The following INHBC variants were observed in gnomAD, a reference collection of about 807,000 sequenced individuals.
The protein encoded by INHBC is inhibin subunit beta C.
INHBC carries 10 observed loss-of-function variants against 12.4 expected under a neutral mutation model. That is an observed-to-expected ratio of 0.81 (90% CI 0.50 to 1.37). The LOEUF (loss-of-function observed/expected upper bound fraction) is 1.37, where lower values mean the gene tolerates loss of function less well. Among genes scored for constraint, INHBC ranks in the 40% most tolerant of loss-of-function variants. The pLI is 0.00. For synonymous variants in INHBC, 147 were observed against 171.6 expected (o/e 0.86, Z 1.12); for missense variants, 382 against 439.4 (o/e 0.87, Z 1.17).
At position 57,434,993 on chromosome 12, in the gene INHBC, T is replaced by G; in HGVS notation, c.107T>G (p.Leu36Arg). Reference sequence around the variant, plus strand: ...GCATGTGGGGGGCCCACCTTGGAACTGGAGAGCCAGCGGGAGCTGCTTCTT... The same window carrying G: ...GCATGTGGGGGGCCCACCTTGGAACGGGAGAGCCAGCGGGAGCTGCTTCTT... ...CPACGGPTLELESQRELLLDL... is the reference protein window; with the variant it reads ...CPACGGPTLERESQRELLLDL... Residue 36 changes from leucine (L) to arginine (R), a missense_variant, in exon 1 of 2, where the codon CTG becomes CGG. Coordinates refer to ENST00000309668, the MANE Select transcript of INHBC (RefSeq NM_005538.4). The G allele has an allele frequency of 6.2e-7, 1 of 1,614,194 alleles. No individual in the cohort carries two copies.
Position 57,449,970 on chromosome 12 carries a change from T to TC in INHBC, c.1007_1008insC (p.Val337CysfsTer4). ...CTCTATTATGACAGGGACAGCAACA[T>TC]TGTCAAGACTGACATACCTGACATG... On this transcript the variant is annotated frameshift_variant, in exon 2 of 2. Transcript: ENST00000309668. LOFTEE classifies it high-confidence loss of function. 1 of 1,543,860 alleles carries TC rather than the reference T, an allele frequency of 6.5e-7. No homozygotes were observed. Among genetic ancestry groups the TC allele is most frequent in the Admixed American group, 2.0e-5 (1 of 51,084 alleles).
At chr12:57,447,061 G>A (rs1047691430) in intron 1 of INHBC, among the ~76,000 whole-genome samples, 2 of 152,202 alleles carry the variant, frequency 1.3e-5, no homozygotes, top group Non-Finnish European at 2.9e-5. Flanking sequence ...TGTTCAGTAA[G>A]GAAGGTGAGG....
intron 1 of INHBC, among the ~76,000 whole-genome samples, chr12:57,443,377 C>A (rs1411214766): frequency 6.6e-6 from 1 of 151,642 alleles, no homozygotes; most frequent in African/African-American, 2.4e-5. Flanking sequence ...CTCCGACTCC[C>A]AGGTTCAAGC....
chr12:57,439,392 C>T (rs750928382), intron 1 of INHBC, among the ~76,000 whole-genome samples: 9 of 152,198 alleles, frequency 5.9e-5, no homozygotes, highest in Non-Finnish European at 1.0e-4. Flanking sequence ...TTTCCCATTG[C>T]TCACCACTGC....
In INHBC at chr12:57,435,054, C is replaced by T. The variant is rs148907665; in HGVS notation, c.168C>T (p.His56=). The T allele has an allele frequency of 3.7e-6, 6 of 1,614,068 alleles. No homozygotes were observed. Among genetic ancestry groups the T allele is most frequent in the Middle Eastern group, 3.3e-4 (2 of 6,084 alleles). The change falls in exon 1 of 2, where the codon CAC becomes CAT. Residue 56 remains histidine, a synonymous_variant. Transcript: ENST00000309668. Reference sequence around the variant, plus strand: ...AGAGAAGCATCTTGGACAAGCTGCACCTCACCCAGCGCCCAACACTGAACC... The same window carrying T: ...AGAGAAGCATCTTGGACAAGCTGCATCTCACCCAGCGCCCAACACTGAACC... ...LAKRSILDKL[H]LTQRPTLNRP...
At position 57,434,850 on chromosome 12, in the gene INHBC, C is replaced by T. The variant is rs765704029; in HGVS notation, c.-37C>T. The T allele has an allele frequency of 6.4e-7, 1 of 1,566,002 alleles. No homozygotes were observed. Among genetic ancestry groups the T allele is most frequent in the Non-Finnish European group, 8.7e-7 (1 of 1,150,824 alleles). ...ACCACAGCTGTTGAGACCCTGAGCCCTGAGTCTGTATTGCTCAAGAAGGGC... is the reference window on the plus strand; with the variant it reads ...ACCACAGCTGTTGAGACCCTGAGCCTTGAGTCTGTATTGCTCAAGAAGGGC... On this transcript the variant is annotated 5_prime_UTR_variant, in exon 1 of 2. Coordinates refer to ENST00000309668, the MANE Select transcript of INHBC (RefSeq NM_005538.4).
chr12:57,443,682 A>G lies in INHBC; in HGVS notation c.314-5595A>G, dbSNP rs371834013. 2.3e-4 allele frequency among the ~76,000 whole-genome samples: 35 copies of G among 152,378 alleles called. 3 individuals are homozygous for G. The East Asian group carries it at 2.3e-3, about 10-fold the overall frequency. Reference sequence around the variant, plus strand: ...AAGAGTTAGGACTTTATTAACTAATAAGGTTTTTGAGACCATGAATTTTAT... The same window carrying G: ...AAGAGTTAGGACTTTATTAACTAATGAGGTTTTTGAGACCATGAATTTTAT... On this transcript the variant is annotated intron_variant, in intron 1 of 1. Coordinates refer to ENST00000309668, the MANE Select transcript of INHBC (RefSeq NM_005538.4).
rs957285281 is a variant in INHBC, at chr12:57,451,497, G to A, written c.*1475G>A. ...CTGGGTCCTTTTTAGACCTTTGCCCGTCCTCCCCCACATCTCCTCCCTTTG... is the reference window on the plus strand; with the variant it reads ...CTGGGTCCTTTTTAGACCTTTGCCCATCCTCCCCCACATCTCCTCCCTTTG... On this transcript the variant is annotated 3_prime_UTR_variant, in exon 2 of 2. Coordinates refer to ENST00000309668, the MANE Select transcript of INHBC (RefSeq NM_005538.4). Among the ~76,000 whole-genome samples the A allele has an allele frequency of 7.2e-5, 11 of 152,260 alleles. No homozygotes were observed. Among genetic ancestry groups the A allele is most frequent in the East Asian group, 1.9e-4 (1 of 5,186 alleles).
rs113495925 is a variant in INHBC at position 57,449,459 on chromosome 12, A to C, written c.496A>C (p.Thr166Pro). Residue 166 changes from threonine (T) to proline (P), a missense_variant, in exon 2 of 2, where the codon ACT becomes CCT. Coordinates refer to ENST00000309668, the MANE Select transcript of INHBC (RefSeq NM_005538.4). ...ACATAATACCAACCTCACCTTGGCT[A>C]CTCAGTACCTGCTGGAGGTGGATGC... ...GPHNTNLTLA[T>P]QYLLEVDASG... The C allele has an allele frequency of 2.6e-4, 415 of 1,614,064 alleles. 1 individual carries two copies. In the African/African-American group the frequency reaches 5.0e-3, roughly 19 times the overall value.
intron 1 of INHBC, among the ~76,000 whole-genome samples, chr12:57,447,384 C>G (rs1870601206): frequency 1.3e-5 from 2 of 150,870 alleles, no homozygotes; most frequent in African/African-American, 4.9e-5. Flanking sequence ...GGGGTTTCAC[C>G]ATGTTGGCCA....
chr12:57,449,149 G>T, intron 1 of INHBC, 128 bp from the exon 2 acceptor site: 1 of 1,210,456 alleles, frequency 8.3e-7, no homozygotes, highest in Non-Finnish European at 1.2e-6. Context: ...CATGAACTTT[G>T]GAGGACATGT....
At position 57,451,860 on chromosome 12, in the gene INHBC, A is replaced by G. The variant is rs987492703; in HGVS notation, c.*1838A>G. The G allele has an allele frequency of 1.1e-5, 5 of 455,414 alleles. No individual in the cohort carries two copies. Among genetic ancestry groups the G allele is most frequent in the Admixed American group, 4.7e-5 (2 of 42,488 alleles). The allele number at this position is 455,414 out of a possible 1,614,324, so 28.2% of individuals were successfully genotyped here. On this transcript the variant is annotated 3_prime_UTR_variant, in exon 2 of 2. Coordinates refer to ENST00000309668, the MANE Select transcript of INHBC (RefSeq NM_005538.4). Reference sequence around the variant, plus strand: ...ACCCCCAGATCTAACCTCCTTCCCAATTACAGCTTAGTCTCCAGGGCTAGG... The same window carrying G: ...ACCCCCAGATCTAACCTCCTTCCCAGTTACAGCTTAGTCTCCAGGGCTAGG...
intron 1 of INHBC, among the ~76,000 whole-genome samples, chr12:57,435,585 CCCTT>C (rs1870317942): frequency 6.6e-6 from 1 of 152,104 alleles, no homozygotes; most frequent in Admixed American, 6.6e-5. Context: ...TCTAGCCCCT[CCCTT>C]CCCCTCTCCT....
intron 1 of INHBC, among the ~76,000 whole-genome samples, chr12:57,441,484 C>T (rs1286770257): frequency 1.4e-5 from 2 of 142,626 alleles, no homozygotes; most frequent in African/African-American, 5.3e-5. Context: ...AAGATCACGT[C>T]ATTGCACTTC....
At chr12:57,444,960 G>C (rs1435594872) in intron 1 of INHBC, among the ~76,000 whole-genome samples, 2 of 152,200 alleles carry the variant, frequency 1.3e-5, no homozygotes, top group Non-Finnish European at 2.9e-5. Context: ...GCGATTACAG[G>C]CATGTGCCAC....
In INHBC at chr12:57,450,603, T is replaced by C. The variant is rs1420378258; in HGVS notation, c.*581T>C. The C allele has an allele frequency of 6.6e-6, 1 of 152,290 alleles. No individual in the cohort carries two copies. Among genetic ancestry groups the C allele is most frequent in the Non-Finnish European group, 1.5e-5 (1 of 68,092 alleles). 9.4% of individuals were successfully genotyped at this position (152,290 alleles called of 1,614,324 possible). A position where few individuals can be genotyped will look rare whatever the true frequency, so the allele number is the denominator to read the frequency against. On this transcript the variant is annotated 3_prime_UTR_variant, in exon 2 of 2. Transcript: ENST00000309668. ...AGCTCTCTTTGCATACCTTCATCCA[T>C]TTTTTGTCCTTCTCTGCCTTTCTCT...
chr12:57,435,325 A>G, intron 1 of INHBC, 126 bp downstream of exon 1: 1 of 919,040 alleles, frequency 1.1e-6, no homozygotes, highest in Non-Finnish European at 1.6e-6. Flanking sequence ...CACAGGCTAT[A>G]ATCTCCTTAC....
At chr12:57,443,113 CTTTT>C (rs34935222) in intron 1 of INHBC, among the ~76,000 whole-genome samples, 1 of 72,398 alleles carries the variant, frequency 1.4e-5, no homozygotes, top group Non-Finnish European at 2.4e-5. Flanking sequence ...ATAAAGCACT[CTTTT>C]TTTTTTTTTT....
Position 57,446,456 on chromosome 12 carries a change from CTTTATTTATTTATTTA to C in INHBC, c.314-2781_314-2766del, listed in dbSNP as rs57129298. Among the ~76,000 whole-genome samples, 978 of 130,418 alleles carry C rather than the reference CTTTATTTATTTATTTA, an allele frequency of 7.5e-3. 3 individuals carry two copies. Among genetic ancestry groups the C allele is most frequent in the Middle Eastern group, 0.011 (3 of 274 alleles). 85.6% of individuals were successfully genotyped at this position (130,418 alleles called of 152,430 possible). A position where few individuals can be genotyped will look rare whatever the true frequency, so the allele number is the denominator to read the frequency against. ...ATAGTGAAGAGAAGGGAGCTTAGGACTTTATTTATTTATTTATTTATTTATTTATTTATTTATTTAT... is the reference window on the plus strand; with the variant it reads ...ATAGTGAAGAGAAGGGAGCTTAGGACTTTATTTATTTATTTATTTATTTAT... On this transcript the variant is annotated intron_variant, in intron 1 of 1. Coordinates refer to ENST00000309668, the MANE Select transcript of INHBC (RefSeq NM_005538.4).
Sources: gnomAD v4.1 joint callset for allele counts (sites outside exome capture counted in the v4.1 genomes callset) on GRCh38, gnomAD v4.1.1 for gene constraint, MANE v1.5 for transcripts, NCBI Gene and HGNC (gene_info 2026-07-23, HGNC 2026-07-21) for gene names.